The following AHDC1 variants were observed in gnomAD, a reference collection of about 807,000 sequenced individuals.
AHDC1 encodes the protein AT-hook DNA binding motif containing 1.
Under a neutral mutation model 87.9 loss-of-function variants are expected in AHDC1, and 7 were observed. The observed-to-expected ratio is 0.08, with a 90% confidence interval of 0.05 to 0.15. The LOEUF (loss-of-function observed/expected upper bound fraction) is 0.15, where lower values mean the gene tolerates loss of function less well. Ranked by LOEUF, AHDC1 falls within the 10% of genes least tolerant of loss-of-function variation. The pLI, the probability that AHDC1 is intolerant of heterozygous loss-of-function variation, is 1.00. For missense variants in AHDC1, 1,841 were observed against 2,253.2 expected, an observed-to-expected ratio of 0.82 and a Z score of 3.70; for synonymous variants, 1,051 against 1,006.8, an observed-to-expected ratio of 1.04 and a Z score of -0.83.
Position 27,552,150 on chromosome 1 carries a change from C to T in AHDC1, c.-35G>A. ...GTCCTCCGCAGGCCGCCGGGCGGGG[C>T]CGGGGCTGACATGAGGGTGCGAGAA... On this transcript the variant is annotated 5_prime_UTR_variant, in exon 8 of 9. Coordinates refer to ENST00000673934, the MANE Select transcript of AHDC1 (RefSeq NM_001371928.1). 2 of 1,435,884 alleles carry T rather than the reference C, an allele frequency of 1.4e-6. No homozygotes were observed. 88.9% of individuals were successfully genotyped at this position (1,435,884 alleles called of 1,614,324 possible).
chr1:27,572,750 C>T (rs560429880), intron 3 of AHDC1, among the ~76,000 whole-genome samples: 1 of 152,356 alleles, frequency 6.6e-6, no homozygotes, highest in East Asian at 1.9e-4. Flanking sequence ...TGACCCAAAG[C>T]CCGGCTCTCT....
Position 27,563,344 on chromosome 1 carries a change from G to GACAC in AHDC1, c.-628-4465_-628-4462dup, listed in dbSNP as rs58219407. Reference sequence around the variant, plus strand: ...CAGAACCTGTCACACAGCTGACCAAGACACACACACACACACACACACACG... The same window carrying GACAC: ...CAGAACCTGTCACACAGCTGACCAAGACACACACACACACACACACACACACACG... On this transcript the variant is annotated intron_variant, in intron 3 of 8. Coordinates refer to ENST00000673934, the MANE Select transcript of AHDC1 (RefSeq NM_001371928.1). The surrounding 1 kb of genome is among the most constrained non-coding windows in gnomAD (Gnocchi z 6.1). Among the ~76,000 whole-genome samples the GACAC allele has an allele frequency of 3.8e-4, 57 of 148,080 alleles. No individual in the cohort carries two copies. The highest frequency in any genetic ancestry group is 2.0e-3 in the East Asian group (10 of 5,050).
At chr1:27,592,788 C>T (rs116764675) in intron 3 of AHDC1, among the ~76,000 whole-genome samples, 2,278 of 152,264 alleles carry the variant, frequency 0.015, 41 homozygotes, top group African/African-American at 0.043. Flanking sequence ...TTGGCTGAGC[C>T]GGCTGCCGGT....
Position 27,552,123 on chromosome 1 carries a change from T to G in AHDC1, c.-8A>C. 3 of 1,441,306 alleles carry G rather than the reference T, an allele frequency of 2.1e-6. No individual in the cohort carries two copies. Among genetic ancestry groups the G allele is most frequent in the Non-Finnish European group, 2.7e-6 (3 of 1,097,158 alleles). The allele number at this position is 1,441,306 out of a possible 1,614,324, so 89.3% of individuals were successfully genotyped here. A position where few individuals can be genotyped will look rare whatever the true frequency, so the allele number is the denominator to read the frequency against. ...CTGGGGCTTCACACGCATCCTGACC[T>G]TGTCCTCCGCAGGCCGCCGGGCGGG... is the stretch of plus-strand genomic sequence containing the variant. On this transcript the variant is annotated 5_prime_UTR_variant, in exon 8 of 9. Transcript: ENST00000673934.
At chr1:27,567,711 C>G (rs1291498599) in intron 3 of AHDC1, among the ~76,000 whole-genome samples, 1 of 152,214 alleles carries the variant, frequency 6.6e-6, no homozygotes, top group Admixed American at 6.5e-5. Flanking sequence ...CACAAGCACC[C>G]CCAAATCACT....
chr1:27,597,516 A>G (rs2089410794), intron 3 of AHDC1, among the ~76,000 whole-genome samples: 1 of 152,104 alleles, frequency 6.6e-6, no homozygotes, highest in South Asian at 2.1e-4. Flanking sequence ...CATCTGGTGC[A>G]GGGGTCAGGG....
chr1:27,559,433 G>A (rs1292090), intron 3 of AHDC1, among the ~76,000 whole-genome samples: 1,732 of 152,270 alleles, frequency 0.011, 33 homozygotes, highest in African/African-American at 0.039. Context: ...GCATATACAT[G>A]CACATATACT....
In AHDC1 at chr1:27,550,912, C is replaced by T; in HGVS notation, c.1204G>A (p.Gly402Arg). The change falls in exon 8 of 9, where the codon GGA (glycine) becomes AGA (arginine). Residue 402 changes from glycine (G) to arginine (R), a missense_variant. By Grantham distance (125) the Gly-to-Arg change is moderately radical. This residue lies in a region of AHDC1 where 370 missense variants were observed against 391.5 expected (regional missense o/e 0.95). Transcript: ENST00000673934. ...TCGGGTCCGGCGTCTGCCTTGCGTC[C>T]CCGTCCGGCTTTCCGCCGGCGACAC... ...ILCRRRKAGR[G>R]RKADAGPEGR... 1 of 1,597,042 alleles carries T rather than the reference C, an allele frequency of 6.3e-7. No homozygotes were observed. The highest frequency in any genetic ancestry group is 8.5e-7 in the Non-Finnish European group (1 of 1,177,114).
At position 27,538,460 on chromosome 1, in the gene AHDC1, C is replaced by T. The variant is rs1465810245; in HGVS notation, c.*44-3544G>A. The stretch of plus-strand genomic sequence containing the variant: ...GCATTAGAATTTGAGAGGCTGATTT[C>T]CTGTGTGACCCAGAGTAAGTCCCTT... On this transcript the variant is annotated intron_variant, in intron 8 of 8. Coordinates refer to ENST00000673934, the MANE Select transcript of AHDC1 (RefSeq NM_001371928.1). 2.0e-5 allele frequency among the ~76,000 whole-genome samples: 3 copies of T among 149,070 alleles called. No homozygotes were observed. The East Asian group carries it at 5.8e-4, about 29-fold the overall frequency.
In AHDC1 at chr1:27,590,241, C is replaced by T. The variant is rs1176927859; in HGVS notation, c.-629+13156G>A. On this transcript the variant is annotated intron_variant, in intron 3 of 8. Coordinates refer to ENST00000673934, the MANE Select transcript of AHDC1 (RefSeq NM_001371928.1). This position sits in a 1 kb window ranked among gnomAD's most constrained non-coding sequence, Gnocchi z 5.4. ...CTGCTGGAGACCCGCCCTCACCCGC[C>T]AGGATGCCTGGGTCCCTGGGGCCAG... is the stretch of plus-strand genomic sequence containing the variant. Among the ~76,000 whole-genome samples, 5 of 152,178 alleles carry T rather than the reference C, an allele frequency of 3.3e-5. No homozygotes were observed. The highest frequency in any genetic ancestry group is 7.4e-5 in the Non-Finnish European group (5 of 68,020).
At position 27,552,022 on chromosome 1, in the gene AHDC1, G is replaced by T. The variant is rs527817056; in HGVS notation, c.94C>A (p.Pro32Thr). 8.4e-6 allele frequency: 8 copies of T among 952,692 alleles called. No homozygotes were observed. In the Admixed American group the frequency reaches 2.2e-4, roughly 26 times the overall value. 59.0% of individuals were successfully genotyped at this position (952,692 alleles called of 1,614,324 possible). Residue 32 changes from proline to threonine, a missense_variant, in exon 8 of 9, where the codon CCC (proline) becomes ACC (threonine). Coordinates refer to ENST00000673934, the MANE Select transcript of AHDC1 (RefSeq NM_001371928.1). Reference sequence around the variant, plus strand: ...GGAAGCAGGGGCCGGGGGGTGGGGGGGCCGCCGGGGTAGTACTTGGGTTCC... The same window carrying T: ...GGAAGCAGGGGCCGGGGGGTGGGGGTGCCGCCGGGGTAGTACTTGGGTTCC... ...LREPKYYPGGPPTPRPLLPTR... is the reference protein window; with the variant it reads ...LREPKYYPGGTPTPRPLLPTR...
chr1:27,563,081 T>C lies in AHDC1; in HGVS notation c.-628-4198A>G, dbSNP rs2020167613. Among the ~76,000 whole-genome samples, 1 of 151,978 alleles carries C rather than the reference T, an allele frequency of 6.6e-6. No homozygotes were observed. Among genetic ancestry groups the C allele is most frequent in the Admixed American group, 6.6e-5 (1 of 15,256 alleles). ...AACCAGGCACCCCCACACCCACTAA[T>C]GCACAGAGAACCTGTTACACAGCTG... On this transcript the variant is annotated intron_variant, in intron 3 of 8. Transcript: ENST00000673934. The surrounding 1 kb of genome is among the most constrained non-coding windows in gnomAD (Gnocchi z 6.1).
In AHDC1 at chr1:27,547,576, C is replaced by T. The variant is rs1448432903; in HGVS notation, c.4540G>A (p.Ala1514Thr). 1 of 1,609,488 alleles carries T rather than the reference C, an allele frequency of 6.2e-7. No individual in the cohort carries two copies. Among genetic ancestry groups the T allele is most frequent in the Non-Finnish European group, 8.5e-7 (1 of 1,178,532 alleles). Residue 1514 changes from alanine to threonine, a missense_variant, in exon 8 of 9, where the codon GCC (alanine) becomes ACC (threonine). By Grantham distance (58) the Ala-to-Thr change is moderately conservative (BLOSUM62 0). This residue lies in a region of AHDC1 where 505 missense variants were observed against 626.2 expected (regional missense o/e 0.81). Coordinates refer to ENST00000673934, the MANE Select transcript of AHDC1 (RefSeq NM_001371928.1). The surrounding 1 kb of genome is among the most constrained non-coding windows in gnomAD (Gnocchi z 4.9). Reference protein sequence around the residue: ...HLASPPATPKADKEPLEMARP... With the variant: ...HLASPPATPKTDKEPLEMARP... ...GCCATTTCCAGTGGCTCCTTGTCGG[C>T]CTTGGGCGTGGCTGGTGGGCTAGCC...
At chr1:27,575,862 C>A (rs540729781) in intron 3 of AHDC1, among the ~76,000 whole-genome samples, 1 of 147,142 alleles carries the variant, frequency 6.8e-6, no homozygotes, top group East Asian at 2.1e-4. Flanking sequence ...CCCGGCCCGC[C>A]AGGCCGGGCC....
At position 27,548,730 on chromosome 1, in the gene AHDC1, T is replaced by C. The variant is rs1482204738; in HGVS notation, c.3386A>G (p.Asn1129Ser). The C allele has an allele frequency of 2.5e-6, 4 of 1,613,162 alleles. No individual in the cohort carries two copies. Among genetic ancestry groups the C allele is most frequent in the Non-Finnish European group, 3.4e-6 (4 of 1,180,000 alleles). ...WASEAFSQLY[N>S]PSFDCHVSEP... is the part of the protein sequence containing the mutation. Reference sequence around the variant, plus strand: ...GCTGACGTGGCAGTCAAAACTGGGATTGTAGAGCTGACTAAAGGCCTCTGA... The same window carrying C: ...GCTGACGTGGCAGTCAAAACTGGGACTGTAGAGCTGACTAAAGGCCTCTGA... Residue 1129 changes from asparagine (N) to serine (S), a missense_variant, in exon 8 of 9, where the codon AAT (asparagine) becomes AGT (serine). By Grantham distance (46) the Asn-to-Ser change is conservative. Around this residue, in one of 13 missense-constraint regions of AHDC1, gnomAD observed 378 missense variants for 399.0 expected, o/e 0.95. Transcript: ENST00000673934.
In AHDC1 at chr1:27,547,687, G is replaced by A. The variant is rs374027631; in HGVS notation, c.4429C>T (p.Pro1477Ser). The change falls in exon 8 of 9, where the codon CCG becomes TCG. Residue 1477 changes from proline (P) to serine (S), a missense_variant. Physicochemically the swap from Pro to Ser is moderately conservative, Grantham distance 74 (BLOSUM62 -1). Transcript: ENST00000673934. This position sits in a 1 kb window ranked among gnomAD's most constrained non-coding sequence, Gnocchi z 4.9. Reference sequence around the variant, plus strand: ...GTACCCACCTTGCCTTCATAGGGCGGGCTGCGGGCAGCTGAGCCTGGAGGG... The same window carrying A: ...GTACCCACCTTGCCTTCATAGGGCGAGCTGCGGGCAGCTGAGCCTGGAGGG... ...WYPPGSAARS[P>S]PYEGKVGTGL... 3.9e-5 allele frequency: 62 copies of A among 1,595,418 alleles called. No homozygotes were observed. Among genetic ancestry groups the A allele is most frequent in the Non-Finnish European group, 5.0e-5 (58 of 1,169,352 alleles).
intron 3 of AHDC1, among the ~76,000 whole-genome samples, chr1:27,576,777 T>G (rs1436437546): frequency 1.3e-5 from 2 of 151,026 alleles, no homozygotes; most frequent in Non-Finnish European, 3.0e-5. Context: ...CATTCCCACC[T>G]CCATCTACCC....
rs1262457608 is a variant in AHDC1 at position 27,593,818 on chromosome 1, T to G, written c.-629+9579A>C. Among the ~76,000 whole-genome samples the G allele has an allele frequency of 6.6e-6, 1 of 152,200 alleles. No homozygotes were observed. Among genetic ancestry groups the G allele is most frequent in the African/African-American group, 2.4e-5 (1 of 41,446 alleles). ...GGCAGGAGATCGATTCACTGAATTT[T>G]TTAAGGCCCTAATGGAGCCTGCATC... On this transcript the variant is annotated intron_variant, in intron 3 of 8. Transcript: ENST00000673934. This position sits in a 1 kb window ranked among gnomAD's most constrained non-coding sequence, Gnocchi z 4.9.
At chr1:27,564,782 T>C (rs922600988) in intron 3 of AHDC1, among the ~76,000 whole-genome samples, 5 of 152,060 alleles carry the variant, frequency 3.3e-5, no homozygotes, top group African/African-American at 1.2e-4. Flanking sequence ...GGCCCAAAGC[T>C]TGGACAAGAG....
Sources: allele counts gnomAD v4.1 joint callset (sites outside exome capture counted in the v4.1 genomes callset), GRCh38; gene constraint gnomAD v4.1.1; regional missense constraint gnomAD v4.1.1; non-coding constraint Gnocchi (gnomAD v3.1); transcripts MANE v1.5; gene names NCBI Gene and HGNC (gene_info 2026-07-23, HGNC 2026-07-21).